The following PIP4K2A variants were observed in gnomAD, a reference collection of about 807,000 sequenced individuals.
PIP4K2A encodes the protein phosphatidylinositol-5-phosphate 4-kinase type 2 alpha, also known as phosphatidylinositol 5-phosphate 4-kinase type-2 alpha.
Under a neutral mutation model 42.9 loss-of-function variants are expected in PIP4K2A, and 14 were observed. That is an observed-to-expected ratio of 0.33 (90% CI 0.22 to 0.51). The LOEUF (loss-of-function observed/expected upper bound fraction) is 0.51. Ranked by LOEUF, PIP4K2A falls within the 20% of genes least tolerant of loss-of-function variation. The probability of loss-of-function intolerance (pLI) is 0.97; values close to 1 mark genes in which losing one functional copy is unlikely to be tolerated. For synonymous variants in PIP4K2A, 192 were observed against 192.2 expected (o/e 1.00, Z 0.01); for missense variants, 434 against 519.8 (o/e 0.83, Z 1.61).
chr10:22,627,591 TAAAAAAAAAAAAAAAAAAAAAAAAAAA>T (rs57671642), intron 1 of PIP4K2A, among the ~76,000 whole-genome samples: 4 of 56,994 alleles, frequency 7.0e-5, no homozygotes, highest in South Asian at 8.2e-4. Flanking sequence ...TAATATGTAA[TAAAAAAAAAAAAAAAAAAAAAAAAAAA>T]AAAAAAAAAA....
chr10:22,598,401 A>G (rs1837680276), intron 3 of PIP4K2A, among the ~76,000 whole-genome samples: 1 of 152,228 alleles, frequency 6.6e-6, no homozygotes, highest in African/African-American at 2.4e-5. Flanking sequence ...TGCACCTATC[A>G]GTTCAAAAGT....
At chr10:22,610,502 A>G (rs538279788) in intron 1 of PIP4K2A, among the ~76,000 whole-genome samples, 1 of 152,370 alleles carries the variant, frequency 6.6e-6, no homozygotes, top group Non-Finnish European at 1.5e-5. Context: ...AGTAGGATAG[A>G]AGGCAGGTAC....
In PIP4K2A at chr10:22,536,328, C is replaced by G. The variant is rs1835917350; in HGVS notation, c.*873G>C. Reference sequence around the variant, plus strand: ...TTACTTTTATTTTGTAGCATTAATTCCTATATTGCAACGTAAGGGTGAACA... The same window carrying G: ...TTACTTTTATTTTGTAGCATTAATTGCTATATTGCAACGTAAGGGTGAACA... On this transcript the variant is annotated 3_prime_UTR_variant, in exon 10 of 10. Coordinates refer to ENST00000376573, the MANE Select transcript of PIP4K2A (RefSeq NM_005028.5). 2.6e-6 allele frequency: 1 copy of G among 380,966 alleles called. No individual in the cohort carries two copies. Among genetic ancestry groups the G allele is most frequent in the African/African-American group, 2.2e-5 (1 of 46,358 alleles). The allele number at this position is 380,966 out of a possible 1,614,324, so 23.6% of individuals were successfully genotyped here.
chr10:22,692,421 T>C (rs1332946637), intron 1 of PIP4K2A, among the ~76,000 whole-genome samples: 2 of 152,122 alleles, frequency 1.3e-5, no homozygotes, highest in East Asian at 1.9e-4. Flanking sequence ...GGACCACTAC[T>C]GGTCCATCTG....
chr10:22,664,148 TATACAC>T (rs1482611469), intron 1 of PIP4K2A, among the ~76,000 whole-genome samples: 5 of 24,988 alleles, frequency 2.0e-4, no homozygotes, highest in East Asian at 7.3e-4. Flanking sequence ...TATACATATA[TATACAC>T]ATATATATAT....
intron 6 of PIP4K2A, among the ~76,000 whole-genome samples, chr10:22,566,199 C>T (rs970265384): frequency 3.9e-5 from 6 of 152,064 alleles, no homozygotes; most frequent in Admixed American, 6.6e-5. Context: ...GCTTGTGGGG[C>T]CATCACAGAT....
chr10:22,613,687 G>C (rs1352329248), intron 1 of PIP4K2A, among the ~76,000 whole-genome samples: 1 of 152,136 alleles, frequency 6.6e-6, no homozygotes, highest in African/African-American at 2.4e-5. Context: ...CTGGGCTTCC[G>C]GGCAGAGCTG....
chr10:22,684,221 G>A (rs990747313), intron 1 of PIP4K2A, among the ~76,000 whole-genome samples: 2 of 152,150 alleles, frequency 1.3e-5, no homozygotes, highest in South Asian at 2.1e-4. Flanking sequence ...ATACTTGAGA[G>A]CAAAATGTAA....
chr10:22,697,839 T>C (rs1292394045), intron 1 of PIP4K2A, among the ~76,000 whole-genome samples: 1 of 152,186 alleles, frequency 6.6e-6, no homozygotes, highest in African/African-American at 2.4e-5. Flanking sequence ...AAACGGTTCA[T>C]GTGAATCGTC....
intron 1 of PIP4K2A, among the ~76,000 whole-genome samples, chr10:22,674,779 CAAAA>C (rs1375900269): frequency 7.3e-6 from 1 of 136,592 alleles, no homozygotes; most frequent in South Asian, 2.3e-4. Flanking sequence ...CAGTCTCTAC[CAAAA>C]AATAAATAAA....
At chr10:22,626,060 A>ACAT (rs1485204810) in intron 1 of PIP4K2A, among the ~76,000 whole-genome samples, 2 of 152,058 alleles carry the variant, frequency 1.3e-5, no homozygotes, top group African/African-American at 4.8e-5. Flanking sequence ...GACAGAGATG[A>ACAT]CATTATAGCC....
At chr10:22,566,093 A>G (rs114873077) in intron 6 of PIP4K2A, among the ~76,000 whole-genome samples, 2,694 of 152,200 alleles carry the variant, frequency 0.018, 71 homozygotes, top group African/African-American at 0.057. Flanking sequence ...GTGATATTCT[A>G]TTAACCAGTT....
At chr10:22,617,597 AC>A (rs1838203003) in intron 1 of PIP4K2A, among the ~76,000 whole-genome samples, 1 of 152,268 alleles carries the variant, frequency 6.6e-6, no homozygotes, top group Non-Finnish European at 1.5e-5. Flanking sequence ...TAGAGGAGAC[AC>A]TGAGATACTT....
chr10:22,669,209 T>G (rs1000815968), intron 1 of PIP4K2A, among the ~76,000 whole-genome samples: 5 of 152,056 alleles, frequency 3.3e-5, no homozygotes, highest in Admixed American at 6.5e-5. Context: ...AAAAGGAAAT[T>G]AGAAGAGACC....
chr10:22,678,712 T>C (rs1443525948), intron 1 of PIP4K2A, among the ~76,000 whole-genome samples: 1 of 152,180 alleles, frequency 6.6e-6, no homozygotes, highest in African/African-American at 2.4e-5. Flanking sequence ...AAGCTTCCCA[T>C]TCCGCCCTAG....
At chr10:22,693,806 T>C (rs1021660559) in intron 1 of PIP4K2A, 1 of 151,866 alleles carries the variant, frequency 6.6e-6, no homozygotes, top group Non-Finnish European at 1.5e-5. Flanking sequence ...AGCTATAACA[T>C]GAAGGGATTA....
intron 1 of PIP4K2A, among the ~76,000 whole-genome samples, chr10:22,687,020 C>A (rs954481761): frequency 2.0e-5 from 3 of 151,980 alleles, no homozygotes; most frequent in Non-Finnish European, 4.4e-5. Flanking sequence ...GCAAATGAGA[C>A]CTTATTTGTT....
At chr10:22,550,153 G>A (rs1038695214) in intron 7 of PIP4K2A, among the ~76,000 whole-genome samples, 1 of 152,016 alleles carries the variant, frequency 6.6e-6, no homozygotes, top group East Asian at 1.9e-4. Context: ...GGCCTCACTG[G>A]GCCTCATGAC....
intron 3 of PIP4K2A, among the ~76,000 whole-genome samples, chr10:22,604,005 GCA>G (rs1258061514): frequency 2.2e-5 from 2 of 92,820 alleles, no homozygotes; most frequent in African/African-American, 1.1e-4. Flanking sequence ...ACACACGCGC[GCA>G]CGCACACACA....
Sources: gnomAD v4.1 joint callset for allele counts (sites outside exome capture counted in the v4.1 genomes callset) on GRCh38, gnomAD v4.1.1 for gene constraint, MANE v1.5 for transcripts, NCBI Gene and HGNC (gene_info 2026-07-23, HGNC 2026-07-21) for gene names.